FHL1: variants seen among roughly 807,000 people sequenced by gnomAD.
FHL1 encodes the protein four and a half LIM domains 1.
A neutral mutation model predicts 20.3 loss-of-function variants in FHL1; 1 was observed. That is an observed-to-expected ratio of 0.05 (90% CI 0.02 to 0.23). The LOEUF is 0.23. Ranked by LOEUF, FHL1 falls within the 10% of genes least tolerant of loss-of-function variation. The pLI, the probability that FHL1 is intolerant of heterozygous loss-of-function variation, is 1.00. For synonymous variants in FHL1, 82 were observed against 88.9 expected, an observed-to-expected ratio of 0.92 and a Z score of 0.44; for missense variants, 177 against 234.0, an observed-to-expected ratio of 0.76 and a Z score of 1.59.
chrX:136,165,372 T>C (rs1038241172), upstream of FHL1, among the ~76,000 whole-genome samples: 2 of 112,310 alleles, frequency 1.8e-5, no homozygotes, highest in African/African-American at 6.5e-5. Context: ...TATTTATCAT[T>C]GCCTTTTATG....
intron 2 of FHL1, among the ~76,000 whole-genome samples, chrX:136,189,741 C>A (rs2073390291): frequency 9.0e-6 from 1 of 111,651 alleles, no homozygotes; most frequent in Non-Finnish European, 1.9e-5. Context: ...CAATGTCATA[C>A]AACCAGTAAG....
chrX:136,164,125 A>G (rs2072647135), intron 1 of FHL1, among the ~76,000 whole-genome samples: 1 of 109,384 alleles, frequency 9.1e-6, no homozygotes, highest in Admixed American at 9.8e-5. Context: ...TTGCTGCTCC[A>G]TTTTTCTTGC....
At chrX:136,194,439 C>T (rs1308101656), upstream of FHL1, among the ~76,000 whole-genome samples, 1 of 110,637 alleles carries the variant, frequency 9.0e-6, no homozygotes, top group African/African-American at 3.3e-5. Flanking sequence ...TAGATAAACC[C>T]TGAAGTAAAT....
At chrX:136,198,221 GC>G (rs1166199337) in intron 1 of FHL1, among the ~76,000 whole-genome samples, 2 of 109,998 alleles carry the variant, frequency 1.8e-5, no homozygotes, top group African/African-American at 6.6e-5. Flanking sequence ...GTGGTTATCA[GC>G]CAAGATACAC....
upstream of FHL1, chrX:136,147,482 C>T (rs1294414174): frequency 9.4e-6 from 1 of 106,707 alleles, no homozygotes. Flanking sequence ...GCGCACCCCT[C>T]CCCTCGCGCC....
At chrX:136,181,332 A>AT (rs2073153608) in intron 2 of FHL1, among the ~76,000 whole-genome samples, 1 of 111,750 alleles carries the variant, frequency 8.9e-6, no homozygotes, top group African/African-American at 3.3e-5. Context: ...TATCTGCTTT[A>AT]AACTTGAAAC....
At position 136,208,531 on chromosome X, in the gene FHL1, A is replaced by G; in HGVS notation, c.626A>G (p.Lys209Arg). 8.3e-7 allele frequency: 1 copy of G among 1,211,554 alleles called. No homozygotes were observed. Among genetic ancestry groups the G allele is most frequent in the Non-Finnish European group, 1.1e-6 (1 of 895,375 alleles). ...ADCFVCVTCS[K>R]KLAGQRFTAV... Reference sequence around the variant, plus strand: ...TGCTTTGTGTGTGTTACCTGCTCTAAGAAGCTGGCTGGGCAGCGTTTCACC... The same window carrying G: ...TGCTTTGTGTGTGTTACCTGCTCTAGGAAGCTGGCTGGGCAGCGTTTCACC... Residue 209 changes from lysine (K) to arginine (R), a missense_variant, in exon 5 of 6, where the codon AAG (lysine) becomes AGG (arginine). Coordinates refer to ENST00000370683, the MANE Select transcript of FHL1 (RefSeq NM_001159699.2).
At chrX:136,164,862 T>C (rs1422110485), upstream of FHL1, among the ~76,000 whole-genome samples, 1 of 112,649 alleles carries the variant, frequency 8.9e-6, no homozygotes, top group East Asian at 2.8e-4. Flanking sequence ...GTGTGCACTT[T>C]AGTTTTTGAA....
At chrX:136,169,376 T>G (rs1235922114), upstream of FHL1, 1 of 156,256 alleles carries the variant, frequency 6.4e-6, no homozygotes, top group African/African-American at 3.2e-5. Context: ...TGCTGTTGAT[T>G]GGAGATAACT....
At chrX:136,166,482 C>G (rs765758146), upstream of FHL1, among the ~76,000 whole-genome samples, 1 of 111,562 alleles carries the variant, frequency 9.0e-6, no homozygotes, top group African/African-American at 3.3e-5. Context: ...CTTTCCCTGC[C>G]CCTTCCCCAC....
At chrX:136,209,738 C>G in intron 5 of FHL1, 133 bp from the exon 6 acceptor site, 1 of 759,723 alleles carries the variant, frequency 1.3e-6, no homozygotes, top group Non-Finnish European at 1.9e-6. Context: ...CCAGGCAGAC[C>G]TGGCTCTTGC....
chrX:136,203,573 C>G (rs1292008327), intron 1 of FHL1, among the ~76,000 whole-genome samples: 1 of 112,225 alleles, frequency 8.9e-6, no homozygotes, highest in Non-Finnish European at 1.9e-5. Context: ...CCCTTTGTTA[C>G]TTCTATCTTC....
intron 1 of FHL1, among the ~76,000 whole-genome samples, chrX:136,199,422 C>A (rs1417983461): frequency 8.9e-6 from 1 of 112,194 alleles, no homozygotes; most frequent in African/African-American, 3.2e-5. Flanking sequence ...GGAAAAAACA[C>A]TTTCTGATTT....
intron 1 of FHL1, among the ~76,000 whole-genome samples, chrX:136,156,986 TACACACAC>T (rs74780878): frequency 5.8e-4 from 59 of 101,579 alleles, no homozygotes; most frequent in African/African-American, 1.0e-3. Flanking sequence ...GACTAAGGAA[TACACACAC>T]ACACACACAC....
intron 1 of FHL1, among the ~76,000 whole-genome samples, chrX:136,152,932 A>G (rs1036611160): frequency 9.0e-6 from 1 of 111,121 alleles, no homozygotes; most frequent in African/African-American, 3.3e-5. Flanking sequence ...GAATTTTCCA[A>G]GCTGTGCTTT....
intron 2 of FHL1, among the ~76,000 whole-genome samples, chrX:136,184,848 T>C (rs932929463): frequency 8.9e-6 from 1 of 112,205 alleles, no homozygotes; most frequent in Non-Finnish European, 1.9e-5. Context: ...CTTGGACATA[T>C]ATTATTTAAT....
rs749286504 is a variant in FHL1 at position 136,210,295 on chromosome X, T to C, written c.*270T>C. On this transcript the variant is annotated 3_prime_UTR_variant, in exon 6 of 6. Coordinates refer to ENST00000370683, the MANE Select transcript of FHL1 (RefSeq NM_001159699.2). ...TTAGGTAGATTGACTCTTCTGCATGTTTCTCATAGAGCAGAAAAGTGCTAA... is the reference window on the plus strand; with the variant it reads ...TTAGGTAGATTGACTCTTCTGCATGCTTCTCATAGAGCAGAAAAGTGCTAA... The C allele has an allele frequency of 1.1e-5, 5 of 458,322 alleles. No individual in the cohort carries two copies. The highest frequency in any genetic ancestry group is 5.5e-5 in the Admixed American group (2 of 36,161). The allele number at this position is 458,322 out of a possible 1,213,427, so 37.8% of individuals were successfully genotyped here.
At chrX:136,207,264 A>G (rs889726700) in intron 3 of FHL1, 74 bp downstream of exon 3, 5 of 1,050,499 alleles carry the variant, frequency 4.8e-6, no homozygotes, top group Non-Finnish European at 5.2e-6. Context: ...CTTGCTTATC[A>G]TGGTGGGGCT....
At chrX:136,169,682 G>A in exon 1 of FHL1, 1 of 304,473 alleles carries the variant, frequency 3.3e-6, no homozygotes, top group Non-Finnish European at 6.3e-6. Flanking sequence ...TAATGAGGGA[G>A]CCAGATCCAC....
Sources: allele counts gnomAD v4.1 joint callset (sites outside exome capture counted in the v4.1 genomes callset), GRCh38; gene constraint gnomAD v4.1.1; transcripts MANE v1.5; gene names NCBI Gene and HGNC (gene_info 2026-07-23, HGNC 2026-07-21).